ARSF: variants seen among roughly 807,000 people sequenced by gnomAD.
ARSF encodes the protein arylsulfatase F.
A neutral mutation model predicts 35.4 loss-of-function variants in ARSF; 33 were observed. That is an observed-to-expected ratio of 0.93 (90% CI 0.71 to 1.25). The LOEUF (loss-of-function observed/expected upper bound fraction) is 1.25. Ranked by LOEUF, ARSF falls within the 50% of genes most tolerant of loss-of-function variation. ARSF has a pLI of 0.00. For missense variants in ARSF, 501 were observed against 480.2 expected, an observed-to-expected ratio of 1.04 and a Z score of -0.40; for synonymous variants, 222 against 193.1, an observed-to-expected ratio of 1.15 and a Z score of -1.24.
chrX:3,080,624 G>C (rs2090193828), intron 4 of ARSF, among the ~76,000 whole-genome samples: 1 of 111,054 alleles, frequency 9.0e-6, no homozygotes, highest in Admixed American at 9.6e-5. Flanking sequence ...GTGTCTGCTG[G>C]GGACCTGCTT....
rs866986844 is a variant in ARSF, at chrX:3,112,624, A to C, written c.*68A>C. On this transcript the variant is annotated 3_prime_UTR_variant, in exon 11 of 11. Transcript: ENST00000381127. ...AGAGATAATTACAATCAGGCTACCA[A>C]AGGAAGCACTAACTTTGGTGCTTTC... The C allele has an allele frequency of 3.9e-4, 415 of 1,054,047 alleles. 2 individuals are homozygous for C. The highest frequency in any genetic ancestry group is 1.1e-3 in the Admixed American group (34 of 29,707). The allele number at this position is 1,054,047 out of a possible 1,213,427, so 86.9% of individuals were successfully genotyped here. A position where few individuals can be genotyped will look rare whatever the true frequency, so the allele number is the denominator to read the frequency against.
chrX:3,059,601 A>G (rs1053715127), intron 1 of ARSF, among the ~76,000 whole-genome samples: 1 of 112,238 alleles, frequency 8.9e-6, no homozygotes, highest in African/African-American at 3.2e-5. Context: ...CACTTTTCCA[A>G]TGGTCTTAGC....
intron 5 of ARSF, 122 bp downstream of exon 5, chrX:3,081,135 G>A: frequency 1.1e-6 from 1 of 948,538 alleles, no homozygotes; most frequent in Non-Finnish European, 1.4e-6. Flanking sequence ...AAGGCGCAGT[G>A]GCCCATGCCT....
intron 1 of ARSF, among the ~76,000 whole-genome samples, chrX:3,056,299 T>TG (rs2090018057): frequency 1.0e-5 from 1 of 99,113 alleles, no homozygotes; most frequent in Non-Finnish European, 2.0e-5. Context: ...TTTTTGGAAA[T>TG]GAAGTTCCCT....
chrX:3,093,096 G>A (rs1000189132), intron 7 of ARSF, among the ~76,000 whole-genome samples: 3 of 110,827 alleles, frequency 2.7e-5, no homozygotes, highest in Non-Finnish European at 5.7e-5. Context: ...AACCTGGGAG[G>A]CAGAGCTTGC....
At chrX:3,042,985 C>A (rs2089961610) in intron 1 of ARSF, among the ~76,000 whole-genome samples, 1 of 109,123 alleles carries the variant, frequency 9.2e-6, no homozygotes, top group African/African-American at 3.3e-5. Flanking sequence ...TGAAACCCCA[C>A]CTCTACTAAA....
chrX:3,086,551 T>C (rs1432960869), intron 6 of ARSF, among the ~76,000 whole-genome samples: 4 of 112,279 alleles, frequency 3.6e-5, no homozygotes, highest in African/African-American at 1.3e-4. Context: ...GTCCAATGGC[T>C]CATGCCTGTA....
Position 3,101,226 on chromosome X carries a change from G to A in ARSF, c.1102+5G>A, listed in dbSNP as rs41297277. On this transcript the variant is annotated splice_donor_5th_base_variant and intron_variant, in intron 8 of 10. Coordinates refer to ENST00000381127, the MANE Select transcript of ARSF (RefSeq NM_001201539.2). ...GATGGAATGGAATATACAAAGGTGA[G>A]GAGAGGAACTCATGCAAGTGATCTG... 6,224 of 1,203,742 alleles carry A rather than the reference G, an allele frequency of 5.2e-3. 12 individuals are homozygous for A. The highest frequency in any genetic ancestry group is 6.3e-3 in the Non-Finnish European group (5,579 of 892,271).
intron 7 of ARSF, among the ~76,000 whole-genome samples, chrX:3,098,047 A>AAC (rs3032523): frequency 0.1 from 9,191 of 87,708 alleles, 464 homozygotes; most frequent in African/African-American, 0.15. Context: ...ATACACACAC[A>AAC]ACACACACAC....
chrX:3,098,089 A>C (rs866874572), intron 7 of ARSF, among the ~76,000 whole-genome samples: 3 of 44,310 alleles, frequency 6.8e-5, no homozygotes, highest in East Asian at 8.0e-4. Flanking sequence ...CACACACACA[A>C]TGGACACTTT....
At chrX:3,102,062 T>A (rs2090380043) in intron 8 of ARSF, among the ~76,000 whole-genome samples, 1 of 111,439 alleles carries the variant, frequency 9.0e-6, no homozygotes, top group African/African-American at 3.3e-5. Context: ...CTTTAGAGCG[T>A]GTAGCACTAA....
chrX:3,060,687 T>C (rs2090038272), intron 1 of ARSF, among the ~76,000 whole-genome samples: 1 of 111,574 alleles, frequency 9.0e-6, no homozygotes, highest in African/African-American at 3.3e-5. Flanking sequence ...CAATAGCCGA[T>C]TCAATCAAGT....
At chrX:3,043,970 G>A (rs1192780677) in intron 1 of ARSF, among the ~76,000 whole-genome samples, 8 of 110,887 alleles carry the variant, frequency 7.2e-5, no homozygotes, top group African/African-American at 2.6e-4. Context: ...TATTTTTTAT[G>A]TAGAGATGGG....
At chrX:3,105,747 T>C in intron 9 of ARSF, among the ~76,000 whole-genome samples, 1 of 112,102 alleles carries the variant, frequency 8.9e-6, no homozygotes, top group Non-Finnish European at 1.9e-5. Flanking sequence ...TTTACAGGTG[T>C]GAGCCATCAT....
At chrX:3,047,260 C>T (rs2089979349) in intron 1 of ARSF, among the ~76,000 whole-genome samples, 1 of 110,059 alleles carries the variant, frequency 9.1e-6, no homozygotes, top group South Asian at 4.0e-4. Flanking sequence ...CTCATCGCAA[C>T]CTCCACCTCC....
intron 10 of ARSF, among the ~76,000 whole-genome samples, chrX:3,111,870 G>A (rs954326735): frequency 3.6e-5 from 4 of 109,608 alleles, no homozygotes; most frequent in Non-Finnish European, 7.6e-5. Context: ...CAGATCCCTC[G>A]CATGCACAGT....
At chrX:3,090,857 T>C (rs1035461282) in intron 7 of ARSF, among the ~76,000 whole-genome samples, 7 of 111,462 alleles carry the variant, frequency 6.3e-5, no homozygotes, top group Non-Finnish European at 1.3e-4. Context: ...GGTGCCTAGG[T>C]TGATTTATGT....
At chrX:3,110,301 C>T (rs2090436676) in intron 10 of ARSF, 49 bp downstream of exon 10, 1 of 1,099,459 alleles carries the variant, frequency 9.1e-7, no homozygotes, top group African/African-American at 1.8e-5. Flanking sequence ...AGCAGGGTCA[C>T]TCAGGTGTAT....
chrX:3,067,931 A>G, intron 1 of ARSF, 142 bp from the exon 2 acceptor site: 1 of 430,421 alleles, frequency 2.3e-6, no homozygotes, highest in Non-Finnish European at 3.9e-6. Context: ...TTGGAAAATC[A>G]ATTTAAAAAT....
Sources: allele counts gnomAD v4.1 joint callset (sites outside exome capture counted in the v4.1 genomes callset), GRCh38; gene constraint gnomAD v4.1.1; transcripts MANE v1.5; gene names NCBI Gene and HGNC (gene_info 2026-07-23, HGNC 2026-07-21).